Variants in DCC observed in about 807,000 individuals in gnomAD.
The protein encoded by DCC is netrin receptor DCC.
In DCC, 58 loss-of-function variants were observed where a neutral mutation model predicts 172.5. The observed-to-expected ratio is 0.34, with a 90% CI of 0.27 to 0.42. The LOEUF (loss-of-function observed/expected upper bound fraction) is 0.42. DCC is among the 10% of genes least tolerant of loss of function. The pLI, the probability that DCC is intolerant of heterozygous loss-of-function variation, is 1.00. For missense variants in DCC, 1,740 were observed against 1,791.0 expected, an observed-to-expected ratio of 0.97 and a Z score of 0.51; for synonymous variants, 709 against 644.5, an observed-to-expected ratio of 1.10 and a Z score of -1.52.
At chr18:53,324,041 T>A (rs140114112) in intron 14 of DCC, among the ~76,000 whole-genome samples, 17 of 152,250 alleles carry the variant, frequency 1.1e-4, no homozygotes, top group African/African-American at 4.1e-4. Context: ...AAGGTTGATT[T>A]AAAAAAATAG....
intron 1 of DCC, among the ~76,000 whole-genome samples, chr18:52,626,325 A>T (rs964602787): frequency 7.9e-5 from 12 of 152,150 alleles, no homozygotes; most frequent in African/African-American, 2.9e-4. Flanking sequence ...TCACAAGCAT[A>T]TCCTCCCAGC....
intron 2 of DCC, among the ~76,000 whole-genome samples, chr18:52,764,528 G>A (rs1460037186): frequency 6.6e-6 from 1 of 152,158 alleles, no homozygotes; most frequent in African/African-American, 2.4e-5. Context: ...AGGAGAGCTG[G>A]TTGTTAAAAA....
chr18:53,520,361 A>AGTCCATACC (rs1398572099), intron 27 of DCC, among the ~76,000 whole-genome samples: 15 of 152,240 alleles, frequency 9.9e-5, no homozygotes, highest in Non-Finnish European at 1.9e-4. Flanking sequence ...ATTTGAACAT[A>AGTCCATACC]GTCCATACCA....
chr18:52,638,563 G>T (rs894135702), intron 1 of DCC, among the ~76,000 whole-genome samples: 4 of 152,140 alleles, frequency 2.6e-5, no homozygotes, highest in Admixed American at 6.5e-5. Context: ...TAAAGCAACA[G>T]CAGTTAAAAG....
At chr18:52,804,912 G>A (rs1203213478) in intron 2 of DCC, among the ~76,000 whole-genome samples, 1 of 152,020 alleles carries the variant, frequency 6.6e-6, no homozygotes, top group South Asian at 2.1e-4. Flanking sequence ...AATATGCCTG[G>A]TGTTTCTTCT....
chr18:52,716,759 TC>T (rs1237534533), intron 1 of DCC, among the ~76,000 whole-genome samples: 1 of 152,224 alleles, frequency 6.6e-6, no homozygotes, highest in Admixed American at 6.5e-5. Context: ...CCTGTAGTCC[TC>T]CTTATTTATG....
At chr18:52,383,177 A>T (rs1253420183) in intron 1 of DCC, among the ~76,000 whole-genome samples, 1 of 152,120 alleles carries the variant, frequency 6.6e-6, no homozygotes, top group Non-Finnish European at 1.5e-5. Flanking sequence ...GCATGAACGT[A>T]CTAAAGGCTC....
chr18:53,289,636 T>C (rs185162397), intron 12 of DCC, among the ~76,000 whole-genome samples: 78 of 152,238 alleles, frequency 5.1e-4, no homozygotes, highest in African/African-American at 1.4e-3. Flanking sequence ...ATGTAAATTA[T>C]AGTGAGATTT....
intron 5 of DCC, among the ~76,000 whole-genome samples, chr18:53,015,286 A>G (rs1263180040): frequency 6.6e-6 from 1 of 152,236 alleles, no homozygotes; most frequent in African/African-American, 2.4e-5. Flanking sequence ...GCTGGCTAAA[A>G]TCTTGGAACA....
intron 12 of DCC, among the ~76,000 whole-genome samples, chr18:53,297,723 T>C (rs1264605854): frequency 6.6e-6 from 1 of 152,164 alleles, no homozygotes; most frequent in Non-Finnish European, 1.5e-5. Context: ...GAAAATAAGA[T>C]GCCTTATAAC....
At chr18:52,953,000 CAAAAAAAA>C (rs11315976) in intron 5 of DCC, among the ~76,000 whole-genome samples, 6 of 52,218 alleles carry the variant, frequency 1.1e-4, no homozygotes, top group African/African-American at 1.6e-4. Context: ...TCTCCTGTCT[CAAAAAAAA>C]AAAAAAAAAA....
chr18:52,468,199 TATG>T lies in DCC; in HGVS notation c.91+127323_91+127325del, dbSNP rs1439638744. Among the ~76,000 whole-genome samples the T allele has an allele frequency of 5.3e-5, 8 of 152,234 alleles. No homozygotes were observed. In the South Asian group the frequency reaches 1.5e-3, roughly 28 times the overall value. ...GGTACAGATGGACATATAATCAAAATATGAAACAATCAAATAATGTCAAGATAA... is the reference window on the plus strand; with the variant it reads ...GGTACAGATGGACATATAATCAAAATAAACAATCAAATAATGTCAAGATAA... On this transcript the variant is annotated intron_variant, in intron 1 of 28. Coordinates refer to ENST00000442544, the MANE Select transcript of DCC (RefSeq NM_005215.4).
chr18:52,767,051 C>T (rs774952809), intron 2 of DCC, among the ~76,000 whole-genome samples: 1 of 151,614 alleles, frequency 6.6e-6, no homozygotes. Flanking sequence ...GTCTTTGCTG[C>T]TCTATGAGTA....
At chr18:53,417,805 C>A (rs1163096234) in intron 21 of DCC, among the ~76,000 whole-genome samples, 4 of 151,988 alleles carry the variant, frequency 2.6e-5, no homozygotes, top group Non-Finnish European at 5.9e-5. Flanking sequence ...ATTGTTTTTT[C>A]TTTTGTTAAT....
chr18:52,655,217 G>A (rs949005800), intron 1 of DCC, among the ~76,000 whole-genome samples: 6 of 152,080 alleles, frequency 3.9e-5, no homozygotes, highest in Admixed American at 2.6e-4. Flanking sequence ...GATGAACAAC[G>A]CAGTTCTGCT....
intron 1 of DCC, among the ~76,000 whole-genome samples, chr18:52,717,913 G>C (rs1205685392): frequency 6.6e-6 from 1 of 152,058 alleles, no homozygotes; most frequent in African/African-American, 2.4e-5. Flanking sequence ...GGTTAAAATT[G>C]TAAATTTTAT....
At chr18:52,401,668 A>G (rs936618980) in intron 1 of DCC, among the ~76,000 whole-genome samples, 5 of 151,938 alleles carry the variant, frequency 3.3e-5, no homozygotes, top group African/African-American at 1.2e-4. Context: ...TTGGCACTCT[A>G]ATTTTGAATG....
At chr18:52,988,452 T>C (rs1275778443) in intron 5 of DCC, among the ~76,000 whole-genome samples, 1 of 152,106 alleles carries the variant, frequency 6.6e-6, no homozygotes, top group Non-Finnish European at 1.5e-5. Flanking sequence ...AGAGAGATGC[T>C]CTATAAGAGA....
At chr18:52,787,532 G>A (rs1473013099) in intron 2 of DCC, among the ~76,000 whole-genome samples, 4 of 152,054 alleles carry the variant, frequency 2.6e-5, no homozygotes, top group African/African-American at 4.8e-5. Flanking sequence ...CCCATGCACT[G>A]TTGGAACATA....
Sources: gnomAD v4.1 joint callset for allele counts (sites outside exome capture counted in the v4.1 genomes callset) on GRCh38, gnomAD v4.1.1 for gene constraint, MANE v1.5 for transcripts, NCBI Gene and HGNC (gene_info 2026-07-23, HGNC 2026-07-21) for gene names.